Variants in ORC5 observed in about 807,000 individuals in gnomAD.
The protein encoded by ORC5 is protein phosphatase 1, regulatory subunit 117.
Under a neutral mutation model 58.8 loss-of-function variants are expected in ORC5, and 39 were observed. That is an observed-to-expected ratio of 0.66 (90% CI 0.51 to 0.87). The LOEUF (loss-of-function observed/expected upper bound fraction) is 0.87, where lower values mean the gene tolerates loss of function less well. Ranked by LOEUF, ORC5 falls within the 40% of genes least tolerant of loss-of-function variation. ORC5 has a pLI of 0.00. For missense variants in ORC5, 493 were observed against 506.3 expected (o/e 0.97, Z 0.25); for synonymous variants, 218 against 177.6 (o/e 1.23, Z -1.81).
chr7:104,198,098 A>C (rs1799845902), intron 3 of ORC5, among the ~76,000 whole-genome samples: 1 of 152,194 alleles, frequency 6.6e-6, no homozygotes, highest in Non-Finnish European at 1.5e-5. Context: ...TCATCATGAG[A>C]GGAGGCAGCA....
At chr7:104,130,842 C>G (rs1047720285) in intron 13 of ORC5, among the ~76,000 whole-genome samples, 1 of 152,162 alleles carries the variant, frequency 6.6e-6, no homozygotes, top group African/African-American at 2.4e-5. Flanking sequence ...AACTGAGTAT[C>G]TATATGCTAG....
chr7:104,148,204 T>A (rs1297976162), intron 12 of ORC5, among the ~76,000 whole-genome samples: 1 of 151,974 alleles, frequency 6.6e-6, no homozygotes, highest in Non-Finnish European at 1.5e-5. Flanking sequence ...CTCAGAGAGG[T>A]GAGTAAATTG....
intron 1 of ORC5, among the ~76,000 whole-genome samples, chr7:104,204,508 C>T (rs1800027605): frequency 6.6e-6 from 1 of 152,102 alleles, no homozygotes; most frequent in African/African-American, 2.4e-5. Context: ...TTTACATATA[C>T]AAACTAGTAT....
intron 8 of ORC5, among the ~76,000 whole-genome samples, chr7:104,173,018 A>G (rs1799243042): frequency 6.6e-6 from 1 of 151,462 alleles, no homozygotes; most frequent in South Asian, 2.1e-4. Flanking sequence ...CAAATTGTGT[A>G]ACATAATGGA....
chr7:104,173,025 T>TG (rs1799243244), intron 8 of ORC5, among the ~76,000 whole-genome samples: 1 of 146,846 alleles, frequency 6.8e-6, no homozygotes, highest in Admixed American at 6.8e-5. Flanking sequence ...TGTAACATAA[T>TG]GGAGTCACAT....
intron 5 of ORC5, among the ~76,000 whole-genome samples, chr7:104,191,282 A>G (rs911192122): frequency 6.6e-6 from 1 of 152,112 alleles, no homozygotes; most frequent in African/African-American, 2.4e-5. Flanking sequence ...AGAAACAAAG[A>G]TATCTACCTA....
At chr7:104,205,978 A>T (rs1800072678) in intron 1 of ORC5, among the ~76,000 whole-genome samples, 1 of 152,242 alleles carries the variant, frequency 6.6e-6, no homozygotes, top group African/African-American at 2.4e-5. Flanking sequence ...ACTGCACTCC[A>T]GCCTGGGAAA....
chr7:104,160,999 C>A, intron 12 of ORC5, 73 bp downstream of exon 12: 1 of 844,722 alleles, frequency 1.2e-6, no homozygotes, highest in African/African-American at 1.7e-5. Context: ...ATCTGAATGC[C>A]TGGAATTCTA....
At chr7:104,168,206 T>C in intron 9 of ORC5, 1 of 898,480 alleles carries the variant, frequency 1.1e-6, no homozygotes, top group African/African-American at 1.7e-5. Flanking sequence ...AATAAAAGCA[T>C]TTAAAGAAAT....
intron 8 of ORC5, among the ~76,000 whole-genome samples, chr7:104,182,996 A>G (rs556442463): frequency 1.3e-5 from 2 of 152,008 alleles, no homozygotes; most frequent in African/African-American, 2.4e-5. Context: ...TTAGTCGGGC[A>G]TGGTGGTGCG....
At chr7:104,199,387 G>C (rs1307551191) in intron 3 of ORC5, among the ~76,000 whole-genome samples, 1 of 152,242 alleles carries the variant, frequency 6.6e-6, no homozygotes, top group African/African-American at 2.4e-5. Context: ...GCATCAGTGG[G>C]CTGGATGTGA....
At chr7:104,159,290 A>C (rs1172809974) in intron 12 of ORC5, among the ~76,000 whole-genome samples, 1 of 127,022 alleles carries the variant, frequency 7.9e-6, no homozygotes, top group Non-Finnish European at 1.6e-5. Context: ...GAACACATGG[A>C]CACAGGAAGG....
intron 8 of ORC5, among the ~76,000 whole-genome samples, chr7:104,178,230 C>A (rs191948986): frequency 1.3e-5 from 2 of 151,978 alleles, no homozygotes; most frequent in Non-Finnish European, 2.9e-5. Context: ...TCACCAGCAT[C>A]GTTTCCTGAC....
intron 12 of ORC5, among the ~76,000 whole-genome samples, chr7:104,158,565 A>G (rs1401302620): frequency 1.3e-5 from 2 of 151,906 alleles, no homozygotes; most frequent in African/African-American, 2.4e-5. Flanking sequence ...GAAAATTTTC[A>G]CAACCTACTC....
At chr7:104,184,546 C>T (rs7807929) in intron 6 of ORC5, 6,947 of 173,822 alleles carry the variant, frequency 0.04, 509 homozygotes, top group African/African-American at 0.15. Flanking sequence ...TAAAATATTC[C>T]TTAATTGGCT....
rs755715094 is a variant in ORC5, at chr7:104,195,222, A to T, written c.474T>A (p.Ser158Arg). 2 of 1,570,516 alleles carry T rather than the reference A, an allele frequency of 1.3e-6. No individual in the cohort carries two copies. Among genetic ancestry groups the T allele is most frequent in the Non-Finnish European group, 1.7e-6 (2 of 1,164,242 alleles). Reference protein sequence around the residue: ...ADRNVTVLFLSEIVWEKFRPN... With the variant: ...ADRNVTVLFLREIVWEKFRPN... ...GACGAAACTTTTCCCAAACAATTTC[A>T]CTGAGAAAGAGAACAGTCACATTTC... Residue 158 changes from serine (S) to arginine (R), a missense_variant, in exon 5 of 14, where the codon AGT (serine) becomes AGA (arginine). Physicochemically the swap from Ser to Arg is moderately radical, Grantham distance 110. This residue lies in a region of ORC5 where 412 missense variants were observed against 403.7 expected (regional missense o/e 1.02). Transcript: ENST00000297431.
chr7:104,181,883 G>C (rs1014681238), intron 8 of ORC5, among the ~76,000 whole-genome samples: 5 of 151,834 alleles, frequency 3.3e-5, no homozygotes, highest in Non-Finnish European at 7.4e-5. Context: ...GCCACTTCCT[G>C]GCAGGCCCAG....
At chr7:104,195,705 T>G (rs891368157) in intron 4 of ORC5, among the ~76,000 whole-genome samples, 1 of 152,240 alleles carries the variant, frequency 6.6e-6, no homozygotes, top group Non-Finnish European at 1.5e-5. Flanking sequence ...TTTTTAAGAA[T>G]CTCTGAATTT....
chr7:104,151,956 C>G (rs1042778708), intron 12 of ORC5, among the ~76,000 whole-genome samples: 1 of 151,970 alleles, frequency 6.6e-6, no homozygotes, highest in Non-Finnish European at 1.5e-5. Flanking sequence ...GCCTAAGAAC[C>G]CTAATTTTTC....
Sources: allele counts gnomAD v4.1 joint callset (sites outside exome capture counted in the v4.1 genomes callset), GRCh38; gene constraint gnomAD v4.1.1; regional missense constraint gnomAD v4.1.1; transcripts MANE v1.5; gene names NCBI Gene and HGNC (gene_info 2026-07-23, HGNC 2026-07-21).